Variants in EFNA5 observed in about 807,000 individuals in gnomAD.
EFNA5 encodes ephrin A5, also known as ephrin-A5.
A neutral mutation model predicts 22.9 loss-of-function variants in EFNA5; 5 were observed. That is an observed-to-expected ratio of 0.22 (90% confidence interval 0.11 to 0.46). The LOEUF (loss-of-function observed/expected upper bound fraction) is 0.46. EFNA5 is among the 20% of genes least tolerant of loss of function. The pLI, the probability that EFNA5 is intolerant of heterozygous loss-of-function variation, is 0.99. For missense variants in EFNA5, 237 were observed against 293.3 expected (o/e 0.81, Z 1.40); for synonymous variants, 113 against 112.2 (o/e 1.01, Z -0.04).
chr5:107,663,984 A>C (rs1751020383), intron 1 of EFNA5, among the ~76,000 whole-genome samples: 1 of 152,132 alleles, frequency 6.6e-6, no homozygotes, highest in Non-Finnish European at 1.5e-5. Flanking sequence ...ATGAAAGCTG[A>C]GCTAACCATC....
At chr5:107,670,030 TAAAAAAAAAAA>T (rs67814628) in intron 1 of EFNA5, among the ~76,000 whole-genome samples, 1 of 116,702 alleles carries the variant, frequency 8.6e-6, no homozygotes, top group African/African-American at 3.3e-5. Flanking sequence ...AAATTAAAAT[TAAAAAAAAAAA>T]AAAAAAAAAA....
At chr5:107,585,854 C>A (rs550805850) in intron 1 of EFNA5, among the ~76,000 whole-genome samples, 54 of 152,266 alleles carry the variant, frequency 3.5e-4, no homozygotes, top group African/African-American at 1.2e-3. Context: ...GGCAATCAAT[C>A]AGTGGAAGAT....
chr5:107,571,633 T>A (rs964637444), intron 1 of EFNA5, among the ~76,000 whole-genome samples: 4 of 151,796 alleles, frequency 2.6e-5, no homozygotes, highest in Non-Finnish European at 5.9e-5. Context: ...CCAGACACTA[T>A]CCTCTGGCTA....
intron 1 of EFNA5, among the ~76,000 whole-genome samples, chr5:107,443,466 T>C (rs2112438364): frequency 1.3e-5 from 2 of 152,292 alleles, no homozygotes; most frequent in East Asian, 3.9e-4. Flanking sequence ...AGAGTATCAT[T>C]CCCCAAGCAT....
chr5:107,654,848 C>T (rs1210711720), intron 1 of EFNA5, among the ~76,000 whole-genome samples: 3 of 152,022 alleles, frequency 2.0e-5, no homozygotes, highest in Non-Finnish European at 4.4e-5. Context: ...TGTCTAAATT[C>T]ATCACATGCA....
At chr5:107,626,664 T>C (rs1750147893) in intron 1 of EFNA5, among the ~76,000 whole-genome samples, 1 of 152,188 alleles carries the variant, frequency 6.6e-6, no homozygotes, top group Non-Finnish European at 1.5e-5. Context: ...TGCTGGGTCC[T>C]TTGCCTTAAT....
At chr5:107,546,319 G>A (rs545086342) in intron 1 of EFNA5, among the ~76,000 whole-genome samples, 1 of 152,230 alleles carries the variant, frequency 6.6e-6, no homozygotes, top group South Asian at 2.1e-4. Context: ...GCTGACAAAT[G>A]ATGAATTCCA....
chr5:107,572,698 T>C (rs1385760171), intron 1 of EFNA5, among the ~76,000 whole-genome samples: 1 of 152,222 alleles, frequency 6.6e-6, no homozygotes, highest in Non-Finnish European at 1.5e-5. Context: ...CAAAATATAA[T>C]ACTAAAATCA....
intron 1 of EFNA5, among the ~76,000 whole-genome samples, chr5:107,603,026 A>C (rs373818975): frequency 2.0e-5 from 3 of 152,310 alleles, no homozygotes; most frequent in African/African-American, 7.2e-5. Context: ...AGTTCAATAA[A>C]TGGTGTTCTT....
At chr5:107,546,251 G>A (rs765224949) in intron 1 of EFNA5, among the ~76,000 whole-genome samples, 3 of 152,134 alleles carry the variant, frequency 2.0e-5, no homozygotes, top group South Asian at 2.1e-4. Context: ...GCACTGGTGC[G>A]GCTGCTCTGC....
chr5:107,523,786 A>G (rs1747642825), intron 1 of EFNA5, among the ~76,000 whole-genome samples: 1 of 152,208 alleles, frequency 6.6e-6, no homozygotes, highest in South Asian at 2.1e-4. Context: ...TATGCAGGTG[A>G]GCAATGCATG....
At chr5:107,485,282 A>C (rs1056734250) in intron 1 of EFNA5, among the ~76,000 whole-genome samples, 1 of 152,198 alleles carries the variant, frequency 6.6e-6, no homozygotes, top group Non-Finnish European at 1.5e-5. Context: ...CCTCTTAGCT[A>C]TGAAGAATGA....
At chr5:107,412,467 T>G (rs1748395499) in intron 2 of EFNA5, among the ~76,000 whole-genome samples, 1 of 152,182 alleles carries the variant, frequency 6.6e-6, no homozygotes, top group Non-Finnish European at 1.5e-5. Context: ...GTGATTAATA[T>G]TAATTCTGAT....
At chr5:107,533,718 G>A (rs1236262764) in intron 1 of EFNA5, among the ~76,000 whole-genome samples, 1 of 152,224 alleles carries the variant, frequency 6.6e-6, no homozygotes, top group East Asian at 1.9e-4. Context: ...TCCCATATAC[G>A]GATTAAATTG....
intron 1 of EFNA5, among the ~76,000 whole-genome samples, chr5:107,460,140 CT>C (rs1388463257): frequency 1.3e-5 from 2 of 152,222 alleles, no homozygotes; most frequent in Non-Finnish European, 2.9e-5. Flanking sequence ...AGGTAGGGAC[CT>C]TTTCTGTGCC....
In EFNA5 at chr5:107,633,560, A is replaced by G. The variant is rs144498950; in HGVS notation, c.125+36929T>C. Among the ~76,000 whole-genome samples the G allele has an allele frequency of 4.5e-3, 685 of 152,316 alleles. 9 individuals carry two copies. Among genetic ancestry groups the G allele is most frequent in the African/African-American group, 0.014 (600 of 41,572 alleles). On this transcript the variant is annotated intron_variant, in intron 1 of 4. Transcript: ENST00000333274. The stretch of plus-strand genomic sequence containing the variant: ...CACTTGTGAGCACCATCAATTATGC[A>G]CTAGAATAACAGGGGCTGGCCAGGC...
chr5:107,480,260 A>T (rs901792471), intron 1 of EFNA5, among the ~76,000 whole-genome samples: 2 of 152,246 alleles, frequency 1.3e-5, no homozygotes, highest in African/African-American at 4.8e-5. Flanking sequence ...AAATCAATGT[A>T]TTGCTAAAAC....
intron 1 of EFNA5, among the ~76,000 whole-genome samples, chr5:107,464,768 A>G (rs1749929113): frequency 6.6e-6 from 1 of 152,192 alleles, no homozygotes; most frequent in African/African-American, 2.4e-5. Context: ...TCACACAGAA[A>G]GAATTCTGAA....
intron 2 of EFNA5, among the ~76,000 whole-genome samples, chr5:107,412,027 T>C (rs1053879044): frequency 3.3e-5 from 5 of 152,210 alleles, no homozygotes; most frequent in African/African-American, 9.6e-5. Context: ...CAATGAATTA[T>C]TCCAGAGTGT....
Sources: allele counts gnomAD v4.1 joint callset (sites outside exome capture counted in the v4.1 genomes callset), GRCh38; gene constraint gnomAD v4.1.1; transcripts MANE v1.5; gene names NCBI Gene and HGNC (gene_info 2026-07-23, HGNC 2026-07-21).